The following ANAPC5 variants were observed in gnomAD, a reference collection of about 807,000 sequenced individuals.
The protein encoded by ANAPC5 is anaphase-promoting complex subunit 5.
In ANAPC5, 60 loss-of-function variants were observed where a neutral mutation model predicts 91.3. The observed-to-expected ratio is 0.66, with a 90% CI of 0.53 to 0.81. The LOEUF (loss-of-function observed/expected upper bound fraction) is 0.81. ANAPC5 is among the 40% of genes least tolerant of loss of function. The pLI is 0.00. For synonymous variants in ANAPC5, 340 were observed against 364.1 expected (o/e 0.93, Z 0.75); for missense variants, 690 against 931.5 (o/e 0.74, Z 3.37).
intron 7 of ANAPC5, chr12:121,332,022 G>A (rs576238726): frequency 6.6e-6 from 1 of 152,052 alleles, no homozygotes; most frequent in African/African-American, 2.4e-5. Flanking sequence ...TTTAAAAATA[G>A]ATATAGAGTC....
intron 6 of ANAPC5, among the ~76,000 whole-genome samples, chr12:121,335,968 A>C (rs1279636574): frequency 1.3e-5 from 2 of 152,204 alleles, no homozygotes; most frequent in African/African-American, 4.8e-5. Flanking sequence ...TTTATCTCAA[A>C]TATACTCCAC....
intron 1 of ANAPC5, 144 bp from the exon 2 acceptor site, chr12:121,348,025 C>T: frequency 3.2e-6 from 2 of 624,786 alleles, no homozygotes; most frequent in South Asian, 4.0e-5. Context: ...CTACCTAAAA[C>T]ACTAAAGTAA....
intron 6 of ANAPC5, among the ~76,000 whole-genome samples, chr12:121,336,607 G>A (rs1257586704): frequency 2.0e-5 from 3 of 152,140 alleles, no homozygotes; most frequent in Non-Finnish European, 4.4e-5. Flanking sequence ...GAGAACCCGG[G>A]AGGCAGAGGT....
In ANAPC5 at chr12:121,309,715, G is replaced by A. The variant is rs189845410; in HGVS notation, c.2042C>T (p.Pro681Leu). The A allele has an allele frequency of 1.5e-5, 25 of 1,613,622 alleles. No homozygotes were observed. The highest frequency in any genetic ancestry group is 1.7e-4 in the Middle Eastern group (1 of 6,058). ...CAGCTTCCTACCTTCTGCTTTCTTC[G>A]GCTGATCGTAGGAAGCTGCTGAAGC... ...QVASAASYDQPKKAEALEAAI... is the reference protein window; with the variant it reads ...QVASAASYDQLKKAEALEAAI... Residue 681 changes from proline (P) to leucine (L), a missense_variant, in exon 16 of 17, where the codon CCG (proline) becomes CTG (leucine). By Grantham distance (98) the Pro-to-Leu change is moderately conservative (BLOSUM62 -3). Transcript: ENST00000261819.
intron 15 of ANAPC5, chr12:121,318,055 A>C: frequency 2.5e-6 from 1 of 394,272 alleles, no homozygotes; most frequent in Non-Finnish European, 4.4e-6. Context: ...TCCTTACTGA[A>C]TACACAGCTC....
At chr12:121,346,121 G>A (rs1903658981) in intron 3 of ANAPC5, 90 bp from the exon 4 acceptor site, 1 of 1,055,626 alleles carries the variant, frequency 9.5e-7, no homozygotes. Flanking sequence ...ACTGTCTGCT[G>A]GAATTCTTCC....
chr12:121,351,440 A>C (rs1490275394), intron 1 of ANAPC5, among the ~76,000 whole-genome samples: 1 of 151,768 alleles, frequency 6.6e-6, no homozygotes, highest in Non-Finnish European at 1.5e-5. Flanking sequence ...GTATTCAATC[A>C]GTGCTCGTCC....
chr12:121,309,561 G>T, intron 16 of ANAPC5, 140 bp downstream of exon 16: 1 of 1,004,628 alleles, frequency 1.0e-6, no homozygotes, highest in Non-Finnish European at 1.4e-6. Flanking sequence ...TTTAAATGCT[G>T]CATGAAATTT....
chr12:121,346,003 G>A lies in ANAPC5; in HGVS notation c.426C>T (p.Ala142=). 3.1e-6 allele frequency: 5 copies of A among 1,607,182 alleles called. No homozygotes were observed. The highest frequency in any genetic ancestry group is 4.2e-6 in the Non-Finnish European group (5 of 1,177,972). Residue 142 remains alanine (A), a synonymous_variant, in exon 4 of 17, where the codon GCC becomes GCT. Coordinates refer to ENST00000261819, the MANE Select transcript of ANAPC5 (RefSeq NM_016237.5). ...CTTGGCTGAAAGAAAGCTTACTGTA[G>A]GCCAAGATCATGTGACGCAGAAACA... ...VGLFLRHMIL[A]YSKLSFSQVF...
chr12:121,308,457 G>A lies in ANAPC5; in HGVS notation c.*23C>T. The A allele has an allele frequency of 6.2e-7, 1 of 1,606,780 alleles. No individual in the cohort carries two copies. ...AGTCCAAAATCTTATACTCTGCACA[G>A]CAGCCCAGCAGGGATGTCCTCTCTA... On this transcript the variant is annotated 3_prime_UTR_variant, in exon 17 of 17. Transcript: ENST00000261819.
intron 15 of ANAPC5, among the ~76,000 whole-genome samples, chr12:121,313,752 C>T (rs545708117): frequency 6.0e-4 from 91 of 152,080 alleles, no homozygotes; most frequent in Non-Finnish European, 1.1e-3. Flanking sequence ...AATTAGTAAC[C>T]AAAAAAACTT....
intron 3 of ANAPC5, chr12:121,346,342 A>G (rs782343418): frequency 1.3e-5 from 3 of 229,788 alleles, no homozygotes; most frequent in Non-Finnish European, 2.5e-5. Context: ...GGCTCCCCCA[A>G]CCAGAGGTAA....
intron 11 of ANAPC5, 23 bp from the exon 12 acceptor site, chr12:121,320,482 G>T: frequency 6.2e-7 from 1 of 1,609,296 alleles, no homozygotes; most frequent in South Asian, 1.1e-5. Context: ...CACACAATTT[G>T]ATCAGCATAA....
In ANAPC5 at chr12:121,318,295, C is replaced by G. The variant is rs145508722; in HGVS notation, c.1875G>C (p.Leu625=). The change falls in exon 15 of 17, where the codon CTG becomes CTC. Residue 625 remains leucine, a synonymous_variant. Transcript: ENST00000261819. The part of the protein sequence containing the change: ...RLQYLASETV[L]NLAFAQLILG... ...GGCTTACCTGCGCAAAAGCCAAGTT[C>G]AGCACTGTTTCAGAGGCCAAGTACT... 2.5e-5 allele frequency: 39 copies of G among 1,555,626 alleles called. No individual in the cohort carries two copies. Among genetic ancestry groups the G allele is most frequent in the African/African-American group, 4.1e-5 (3 of 72,498 alleles).
At chr12:121,316,255 C>A (rs1329612976) in intron 15 of ANAPC5, among the ~76,000 whole-genome samples, 1 of 152,076 alleles carries the variant, frequency 6.6e-6, no homozygotes, top group African/African-American at 2.4e-5. Flanking sequence ...CCCCTTCATA[C>A]CCACTAGGAA....
chr12:121,340,547 T>A (rs1903409427), intron 5 of ANAPC5, among the ~76,000 whole-genome samples: 1 of 151,666 alleles, frequency 6.6e-6, no homozygotes, highest in Non-Finnish European at 1.5e-5. Flanking sequence ...ATTTTTTTTT[T>A]TTTTTTTGAG....
chr12:121,346,851 A>C (rs1903685301), intron 3 of ANAPC5, 45 bp downstream of exon 3: 1 of 1,217,398 alleles, frequency 8.2e-7, no homozygotes, highest in Non-Finnish European at 1.2e-6. Flanking sequence ...AAAGCTGCTC[A>C]CTTCAATGAA....
intron 16 of ANAPC5, 47 bp from the exon 17 acceptor site, chr12:121,308,738 C>G (rs760436803): frequency 6.8e-7 from 1 of 1,464,826 alleles, no homozygotes; most frequent in South Asian, 1.1e-5. Flanking sequence ...CAACCCTTCA[C>G]GTATAGTTTT....
intron 7 of ANAPC5, 23 bp from the exon 8 acceptor site, chr12:121,331,451 T>G: frequency 6.3e-7 from 1 of 1,584,838 alleles, no homozygotes; most frequent in Non-Finnish European, 8.7e-7. Context: ...TAAACATTAA[T>G]ATCCCATTAA....
Sources: allele counts gnomAD v4.1 joint callset (sites outside exome capture counted in the v4.1 genomes callset), GRCh38; gene constraint gnomAD v4.1.1; transcripts MANE v1.5; gene names NCBI Gene and HGNC (gene_info 2026-07-23, HGNC 2026-07-21).